The following SLC9A4 variants were observed in gnomAD, a reference collection of about 807,000 sequenced individuals.
SLC9A4 encodes the protein sodium/hydrogen exchanger 4.
Under a neutral mutation model 67.4 loss-of-function variants are expected in SLC9A4, and 63 were observed. That is an observed-to-expected ratio of 0.93 (90% CI 0.76 to 1.15). SLC9A4 has a LOEUF of 1.15. Ranked by LOEUF, SLC9A4 falls within the 50% of genes most tolerant of loss-of-function variation. The pLI, the probability that SLC9A4 is intolerant of heterozygous loss-of-function variation, is 0.00. For missense variants in SLC9A4, 1,089 were observed against 987.7 expected, an observed-to-expected ratio of 1.10 and a Z score of -1.38; for synonymous variants, 393 against 367.2, an observed-to-expected ratio of 1.07 and a Z score of -0.80.
At chr2:102,516,386 C>T (rs963523140) in intron 8 of SLC9A4, among the ~76,000 whole-genome samples, 2 of 151,974 alleles carry the variant, frequency 1.3e-5, no homozygotes, top group East Asian at 1.9e-4. Flanking sequence ...ATCTGTAGGA[C>T]GTCAAGCAAA....
chr2:102,494,960 TCTGAATATTATCAA>T (rs1408796578), intron 2 of SLC9A4, among the ~76,000 whole-genome samples: 1 of 152,076 alleles, frequency 6.6e-6, no homozygotes, highest in Admixed American at 6.5e-5. Context: ...GCATGGAGAA[TCTGAATATTATCAA>T]CCACCTTGCC....
chr2:102,528,416 TAA>T (rs1674709895), intron 11 of SLC9A4, among the ~76,000 whole-genome samples: 1 of 146,614 alleles, frequency 6.8e-6, no homozygotes, highest in Non-Finnish European at 1.5e-5. Context: ...TTTTTTTTTT[TAA>T]TTTAAATTTT....
At chr2:102,527,060 T>C (rs1674680751) in intron 11 of SLC9A4, among the ~76,000 whole-genome samples, 1 of 152,166 alleles carries the variant, frequency 6.6e-6, no homozygotes, top group South Asian at 2.1e-4. Flanking sequence ...TATATGTAAT[T>C]ACCTCAAAAT....
rs1044253319 is a variant in SLC9A4 at position 102,533,740 on chromosome 2, G to T, written c.*1052G>T. 2.0e-5 allele frequency: 3 copies of T among 147,766 alleles called. No individual in the cohort carries two copies. The highest frequency in any genetic ancestry group is 3.0e-5 in the Non-Finnish European group (2 of 67,212). The allele number at this position is 147,766 out of a possible 1,614,324, so 9.2% of individuals were successfully genotyped here. A position where few individuals can be genotyped will look rare whatever the true frequency, so the allele number is the denominator to read the frequency against. On this transcript the variant is annotated 3_prime_UTR_variant, in exon 12 of 12. Transcript: ENST00000295269. Reference sequence around the variant, plus strand: ...TTCCCACCTATGAGTGAGAATATGCGGTGTTTGGTTTTTTGTTCTTGGGAT... The same window carrying T: ...TTCCCACCTATGAGTGAGAATATGCTGTGTTTGGTTTTTTGTTCTTGGGAT...
chr2:102,492,145 C>T (rs1335297423), intron 2 of SLC9A4, among the ~76,000 whole-genome samples: 1 of 152,364 alleles, frequency 6.6e-6, no homozygotes, highest in Non-Finnish European at 1.5e-5. Flanking sequence ...ACCACCCCAG[C>T]TGCTTTCATG....
At chr2:102,476,989 G>A (rs1007620404) in intron 1 of SLC9A4, among the ~76,000 whole-genome samples, 3 of 152,098 alleles carry the variant, frequency 2.0e-5, no homozygotes, top group Non-Finnish European at 4.4e-5. Flanking sequence ...ACCCTGTTGT[G>A]TTAACTTTCT....
intron 2 of SLC9A4, among the ~76,000 whole-genome samples, chr2:102,499,096 G>A (rs1256112168): frequency 6.6e-6 from 1 of 152,120 alleles, no homozygotes; most frequent in Admixed American, 6.5e-5. Flanking sequence ...AGCTCATCAG[G>A]AACCCACAGG....
chr2:102,498,754 T>C (rs1684861638), intron 2 of SLC9A4, among the ~76,000 whole-genome samples: 1 of 152,190 alleles, frequency 6.6e-6, no homozygotes, highest in Admixed American at 6.5e-5. Flanking sequence ...TATGTCACAT[T>C]TTTTTTCAAA....
At chr2:102,485,840 CA>C (rs950286781) in intron 2 of SLC9A4, among the ~76,000 whole-genome samples, 23 of 152,164 alleles carry the variant, frequency 1.5e-4, no homozygotes, top group Non-Finnish European at 2.8e-4. Context: ...AATTAACTGT[CA>C]CCGCCAAACT....
In SLC9A4 at chr2:102,514,221, T is replaced by C. The variant is rs772550155; in HGVS notation, c.1691T>C (p.Leu564Pro). 3.7e-6 allele frequency: 6 copies of C among 1,613,872 alleles called. No individual in the cohort carries two copies. In the African/African-American group the frequency reaches 8.0e-5, roughly 22 times the overall value. ...QAIEMVETGI[L>P]SSTAFSIPHQ... ...ATCGAGATGGTGGAGACTGGGATAC[T>C]GAGCTCTACAGCTTTCTCCATACCC... Residue 564 changes from leucine (L) to proline (P), a missense_variant, in exon 8 of 12, where the codon CTG (leucine) becomes CCG (proline). Coordinates refer to ENST00000295269, the MANE Select transcript of SLC9A4 (RefSeq NM_001011552.4).
At chr2:102,496,615 G>C (rs977020661) in intron 2 of SLC9A4, among the ~76,000 whole-genome samples, 1 of 152,182 alleles carries the variant, frequency 6.6e-6, no homozygotes, top group Non-Finnish European at 1.5e-5. Flanking sequence ...CCAGACCCAG[G>C]GCTTATATAC....
At chr2:102,510,155 C>A (rs977885144) in intron 6 of SLC9A4, among the ~76,000 whole-genome samples, 2 of 151,054 alleles carry the variant, frequency 1.3e-5, no homozygotes, top group Non-Finnish European at 2.9e-5. Flanking sequence ...CATCAGGGTT[C>A]AACAGAGAAG....
rs1685227994 is a variant in SLC9A4 at position 102,514,220 on chromosome 2, C to T, written c.1690C>T (p.Leu564=). ...CATCGAGATGGTGGAGACTGGGATA[C>T]TGAGCTCTACAGCTTTCTCCATACC... is the stretch of plus-strand genomic sequence containing the variant. ...QAIEMVETGI[L]SSTAFSIPHQ... is the part of the protein sequence containing the mutation. The change falls in exon 8 of 12, where the codon CTG becomes TTG. Residue 564 remains leucine, a synonymous_variant. Transcript: ENST00000295269. 1 of 1,613,860 alleles carries T rather than the reference C, an allele frequency of 6.2e-7. No individual in the cohort carries two copies. The highest frequency in any genetic ancestry group is 1.7e-5 in the Admixed American group (1 of 59,978).
chr2:102,527,294 C>T (rs558884711), intron 11 of SLC9A4, among the ~76,000 whole-genome samples: 1 of 152,188 alleles, frequency 6.6e-6, no homozygotes, highest in African/African-American at 2.4e-5. Flanking sequence ...AACATTGCAT[C>T]ATATGATACA....
At chr2:102,474,048 T>C in intron 1 of SLC9A4, 33 bp downstream of exon 1, 1 of 1,601,288 alleles carries the variant, frequency 6.2e-7, no homozygotes, top group South Asian at 1.1e-5. Flanking sequence ...TGGTGAGTTA[T>C]CTTTTTACAT....
intron 9 of SLC9A4, among the ~76,000 whole-genome samples, chr2:102,524,186 T>G (rs887190803): frequency 1.6e-4 from 25 of 152,218 alleles, no homozygotes; most frequent in African/African-American, 6.0e-4. Flanking sequence ...CATCCGTCAC[T>G]TGGGAGGGAG....
At chr2:102,524,034 T>C (rs956489751) in intron 9 of SLC9A4, among the ~76,000 whole-genome samples, 1 of 152,234 alleles carries the variant, frequency 6.6e-6, no homozygotes, top group East Asian at 1.9e-4. Flanking sequence ...TTATCCCTAT[T>C]GATTTGACTT....
Position 102,479,236 on chromosome 2 carries a change from G to A in SLC9A4, c.654G>A (p.Ala218=), listed in dbSNP as rs370371600. ...PVAVLAVFEE[A]RVNEQLYMMI... is the part of the protein sequence containing the mutation. Reference sequence around the variant, plus strand: ...CCGTGCTAGCCGTGTTTGAGGAAGCGCGCGTGAACGAGCAGCTCTACATGA... The same window carrying A: ...CCGTGCTAGCCGTGTTTGAGGAAGCACGCGTGAACGAGCAGCTCTACATGA... The change falls in exon 2 of 12, where the codon GCG becomes GCA. Residue 218 remains alanine, a synonymous_variant. Transcript: ENST00000295269. 67 of 1,614,040 alleles carry A rather than the reference G, an allele frequency of 4.2e-5. No individual in the cohort carries two copies. In the Admixed American group the frequency reaches 9.7e-4, roughly 23 times the overall value.
chr2:102,524,605 G>A (rs1674619182), intron 9 of SLC9A4, among the ~76,000 whole-genome samples: 1 of 123,580 alleles, frequency 8.1e-6, no homozygotes, highest in Non-Finnish European at 1.7e-5. Flanking sequence ...TGCGTGTGTA[G>A]GTATCCTTAA....
Sources: gnomAD v4.1 joint callset for allele counts (sites outside exome capture counted in the v4.1 genomes callset) on GRCh38, gnomAD v4.1.1 for gene constraint, MANE v1.5 for transcripts, NCBI Gene and HGNC (gene_info 2026-07-23, HGNC 2026-07-21) for gene names.